Variants in CEP295 observed in about 807,000 individuals in gnomAD.
The protein encoded by CEP295 is centrosomal protein of 295 kDa.
In CEP295, 190 loss-of-function variants were observed where a neutral mutation model predicts 291.6. That is an observed-to-expected ratio of 0.65 (90% CI 0.58 to 0.73). The LOEUF (loss-of-function observed/expected upper bound fraction) is 0.73. Among genes scored for constraint, CEP295 ranks in the 30% least tolerant of loss-of-function variants. The pLI, the probability that CEP295 is intolerant of heterozygous loss-of-function variation, is 0.00. For missense variants in CEP295, 2,863 were observed against 2,949.4 expected (o/e 0.97, Z 0.68); for synonymous variants, 993 against 1,038.8 (o/e 0.96, Z 0.85).
chr11:93,697,044 G>C lies in CEP295; in HGVS notation c.2132G>C (p.Arg711Thr), dbSNP rs1170369371. The change falls in exon 15 of 30, where the codon AGG (arginine) becomes ACG (threonine). Residue 711 changes from arginine to threonine, a missense_variant. By Grantham distance (71) the Arg-to-Thr change is moderately conservative (BLOSUM62 -1). Coordinates refer to ENST00000325212, the MANE Select transcript of CEP295 (RefSeq NM_033395.2). ...GCTTTAGAATCACAAGAACATCTAA[G>C]GCAATTCTCTCAGACTGAAACACAA... ...NQALESQEHL[R>T]QFSQTETQQR... is the part of the protein sequence containing the mutation. The C allele has an allele frequency of 1.9e-6, 3 of 1,551,464 alleles. No individual in the cohort carries two copies. In the Admixed American group the frequency reaches 5.9e-5, roughly 30 times the overall value.
intron 7 of CEP295, among the ~76,000 whole-genome samples, chr11:93,680,753 C>G (rs1323456305): frequency 6.6e-6 from 1 of 152,188 alleles, no homozygotes; most frequent in Non-Finnish European, 1.5e-5. Flanking sequence ...TCATTTAGTG[C>G]TTAGTCTTAA....
chr11:93,699,548 G>A lies in CEP295; in HGVS notation c.4636G>A (p.Val1546Ile), dbSNP rs562510958. The change falls in exon 15 of 30, where the codon GTT (valine) becomes ATT (isoleucine). Residue 1546 changes from valine to isoleucine, a missense_variant. This residue lies in a region of CEP295 where 2,295 missense variants were observed against 2,335.7 expected (regional missense o/e 0.98). Coordinates refer to ENST00000325212, the MANE Select transcript of CEP295 (RefSeq NM_033395.2). Reference protein sequence around the residue: ...ELEKRVSSEQVCSSSFVSQVP... With the variant: ...ELEKRVSSEQICSSSFVSQVP... ...GGAGAAAAGGGTATCATCTGAACAA[G>A]TTTGCTCCTCTTCATTTGTATCCCA... 8 of 1,551,912 alleles carry A rather than the reference G, an allele frequency of 5.2e-6. No individual in the cohort carries two copies. The South Asian group carries it at 8.3e-5, about 16-fold the overall frequency.
At chr11:93,686,132 A>G (rs1043654169) in intron 9 of CEP295, among the ~76,000 whole-genome samples, 1 of 151,962 alleles carries the variant, frequency 6.6e-6, no homozygotes, top group Non-Finnish European at 1.5e-5. Flanking sequence ...CACCCTGGCC[A>G]ACATGGTGAA....
chr11:93,717,568 A>C (rs1005434270), intron 18 of CEP295, among the ~76,000 whole-genome samples: 2 of 152,180 alleles, frequency 1.3e-5, no homozygotes, highest in Admixed American at 6.5e-5. Context: ...GTACCTGAAA[A>C]GTTCTTATCT....
In CEP295 at chr11:93,696,524, A is replaced by G. The variant is rs1951852605; in HGVS notation, c.1769+107A>G. 74 of 1,038,478 alleles carry G rather than the reference A, an allele frequency of 7.1e-5. 1 individual carries two copies. The South Asian group carries it at 8.5e-4, about 12-fold the overall frequency. The allele number at this position is 1,038,478 out of a possible 1,614,324, so 64.3% of individuals were successfully genotyped here. A position where few individuals can be genotyped will look rare whatever the true frequency, so the allele number is the denominator to read the frequency against. On this transcript the variant is annotated intron_variant, in intron 14 of 29. Coordinates refer to ENST00000325212, the MANE Select transcript of CEP295 (RefSeq NM_033395.2). Reference sequence around the variant, plus strand: ...ATTTGGATTTCCTTAGAATTATGGCATTTAGAACTGCCATTCTTAAAGGAC... The same window carrying G: ...ATTTGGATTTCCTTAGAATTATGGCGTTTAGAACTGCCATTCTTAAAGGAC...
intron 5 of CEP295, among the ~76,000 whole-genome samples, chr11:93,672,829 TGTTATA>T (rs1950514963): frequency 1.2e-4 from 3 of 24,618 alleles, no homozygotes; most frequent in African/African-American, 1.5e-4. Flanking sequence ...CTGGAAATCC[TGTTATA>T]ATCAATAAGG....
intron 18 of CEP295, among the ~76,000 whole-genome samples, chr11:93,720,422 C>T (rs544325822): frequency 7.7e-6 from 1 of 129,742 alleles, no homozygotes; most frequent in Non-Finnish European, 1.6e-5. Flanking sequence ...TGCAGTGAGT[C>T]GAGATTGCGC....
chr11:93,666,689 A>C lies in CEP295; in HGVS notation c.-19A>C. 1 of 1,283,710 alleles carries C rather than the reference A, an allele frequency of 7.8e-7. No individual in the cohort carries two copies. Among genetic ancestry groups the C allele is most frequent in the Non-Finnish European group, 1.1e-6 (1 of 916,270 alleles). 79.5% of individuals were successfully genotyped at this position (1,283,710 alleles called of 1,614,324 possible). A position where few individuals can be genotyped will look rare whatever the true frequency, so the allele number is the denominator to read the frequency against. On this transcript the variant is annotated 5_prime_UTR_variant, in exon 2 of 30. Coordinates refer to ENST00000325212, the MANE Select transcript of CEP295 (RefSeq NM_033395.2). Reference sequence around the variant, plus strand: ...TTTCCTTTTTGAATTCAGAACTGTCATACATAAAGTACACAGAAATGAAGA... The same window carrying C: ...TTTCCTTTTTGAATTCAGAACTGTCCTACATAAAGTACACAGAAATGAAGA...
chr11:93,682,381 G>A, intron 7 of CEP295, among the ~76,000 whole-genome samples: 1 of 152,086 alleles, frequency 6.6e-6, no homozygotes, highest in African/African-American at 2.4e-5. Context: ...ATGCCGTCAC[G>A]CCCTGCTACT....
At chr11:93,667,533 T>A in intron 2 of CEP295, 74 bp from the exon 3 acceptor site, 1 of 1,068,746 alleles carries the variant, frequency 9.4e-7, no homozygotes, top group Non-Finnish European at 1.3e-6. Flanking sequence ...TTTGAGTTCC[T>A]CTTTCCAAAT....
chr11:93,681,698 G>C (rs888158780), intron 7 of CEP295, among the ~76,000 whole-genome samples: 2 of 151,900 alleles, frequency 1.3e-5, no homozygotes, highest in African/African-American at 2.4e-5. Flanking sequence ...ACAGGCGTGA[G>C]CCACCATGCC....
At chr11:93,721,462 T>C (rs1295320731) in intron 19 of CEP295, 50 bp downstream of exon 19, 2 of 1,138,050 alleles carry the variant, frequency 1.8e-6, no homozygotes, top group East Asian at 2.3e-5. Flanking sequence ...TTTGGCTTCG[T>C]ATTCTCTTTT....
At chr11:93,693,000 G>A (rs533233289) in intron 12 of CEP295, among the ~76,000 whole-genome samples, 13 of 150,284 alleles carry the variant, frequency 8.7e-5, no homozygotes, top group South Asian at 2.1e-4. Flanking sequence ...ACAAAAGGCC[G>A]GGCCCGGTGG....
Position 93,687,816 on chromosome 11 carries a change from A to G in CEP295, c.1287A>G (p.Ser429=), listed in dbSNP as rs758822677. The G allele has an allele frequency of 4.1e-5, 63 of 1,551,218 alleles. No individual in the cohort carries two copies. Among genetic ancestry groups the G allele is most frequent in the Non-Finnish European group, 5.1e-5 (58 of 1,146,746 alleles). Residue 429 remains serine (S), a synonymous_variant, in exon 10 of 30, where the codon TCA becomes TCG. Transcript: ENST00000325212. The part of the protein sequence containing the change: ...EIESKAPTVE[S]GTIASKERTL... The stretch of plus-strand genomic sequence containing the variant: ...AGAGTAAAGCACCAACGGTTGAGTC[A>G]GGAACAATTGCCAGCAAAGAGAGAA...
chr11:93,727,326 C>T lies in CEP295; in HGVS notation c.6850C>T (p.Leu2284=), dbSNP rs1476850006. 2 of 1,551,188 alleles carry T rather than the reference C, an allele frequency of 1.3e-6. No individual in the cohort carries two copies. The highest frequency in any genetic ancestry group is 1.7e-6 in the Non-Finnish European group (2 of 1,146,876). Residue 2284 remains leucine, a synonymous_variant, in exon 24 of 30, where the codon CTA becomes TTA. Coordinates refer to ENST00000325212, the MANE Select transcript of CEP295 (RefSeq NM_033395.2). The part of the protein sequence containing the change: ...SRKESMGFEE[L]SKRGVVTMLQ... ...AAAGGAAAGTATGGGCTTTGAAGAA[C>T]TATCAAAAAGAGGGGTTGTTACAAT...
intron 17 of CEP295, 133 bp downstream of exon 17, chr11:93,703,052 C>T: frequency 1.4e-6 from 1 of 731,252 alleles, no homozygotes; most frequent in South Asian, 2.1e-5. Context: ...AAACCTCTGC[C>T]TTCTGGGTTC....
chr11:93,686,493 GT>G (rs1951248783), intron 9 of CEP295, among the ~76,000 whole-genome samples: 1 of 152,046 alleles, frequency 6.6e-6, no homozygotes, highest in African/African-American at 2.4e-5. Flanking sequence ...CAAGTTGTTT[GT>G]TTGTTTGTTT....
chr11:93,709,174 C>A (rs1182417936), intron 18 of CEP295, among the ~76,000 whole-genome samples: 1 of 152,090 alleles, frequency 6.6e-6, no homozygotes, highest in Non-Finnish European at 1.5e-5. Flanking sequence ...TCCATTTTTG[C>A]TTTGGTTTCC....
At position 93,698,496 on chromosome 11, in the gene CEP295, A is replaced by G; in HGVS notation, c.3584A>G (p.Lys1195Arg). ...EFVHTESELE[K>R]RISSEQTGTS... ...GTACACACAGAAAGTGAATTGGAGA[A>G]AAGAATTTCTTCTGAACAGACTGGC... Residue 1195 changes from lysine to arginine, a missense_variant, in exon 15 of 30, where the codon AAA (lysine) becomes AGA (arginine). Physicochemically the swap from Lys to Arg is conservative, Grantham distance 26. Around this residue, in one of 3 missense-constraint regions of CEP295, gnomAD observed 2,295 missense variants for 2,335.7 expected, o/e 0.98. Coordinates refer to ENST00000325212, the MANE Select transcript of CEP295 (RefSeq NM_033395.2). 6.4e-7 allele frequency: 1 copy of G among 1,552,038 alleles called. No homozygotes were observed.
Sources: allele counts gnomAD v4.1 joint callset (sites outside exome capture counted in the v4.1 genomes callset), GRCh38; gene constraint gnomAD v4.1.1; regional missense constraint gnomAD v4.1.1; transcripts MANE v1.5; gene names NCBI Gene and HGNC (gene_info 2026-07-23, HGNC 2026-07-21).